The following AFF3 variants were observed in gnomAD, a reference collection of about 807,000 sequenced individuals.
The protein encoded by AFF3 is ALF transcription elongation factor 3, also known as AF4/FMR2 family member 3.
A neutral mutation model predicts 129.7 loss-of-function variants in AFF3; 32 were observed. The ratio of observed to expected loss-of-function variants is 0.25; its 90% confidence interval spans 0.19 to 0.33. AFF3 has a LOEUF of 0.33. AFF3 is among the 10% of genes least tolerant of loss of function. The pLI is 1.00. For missense variants in AFF3, 1,373 were observed against 1,592.0 expected, an observed-to-expected ratio of 0.86 and a Z score of 2.34; for synonymous variants, 644 against 635.4, an observed-to-expected ratio of 1.01 and a Z score of -0.20.
At chr2:100,007,521 C>G (rs1682084904) in intron 5 of AFF3, 61 bp from the exon 6 acceptor site, 2 of 1,456,576 alleles carry the variant, frequency 1.4e-6, no homozygotes, top group Admixed American at 1.8e-5. Context: ...CGGAGATAAT[C>G]AACAGGTGCC....
intron 8 of AFF3, among the ~76,000 whole-genome samples, chr2:99,809,845 G>A (rs1416759970): frequency 1.3e-5 from 2 of 152,096 alleles, no homozygotes; most frequent in East Asian, 3.9e-4. Context: ...TTGGTACAGG[G>A]CCAGGTGTTA....
intron 8 of AFF3, among the ~76,000 whole-genome samples, chr2:99,775,471 T>C (rs898122803): frequency 1.3e-5 from 2 of 152,106 alleles, no homozygotes; most frequent in Non-Finnish European, 2.9e-5. Context: ...AACCAAATAC[T>C]GCATGTTCTC....
intron 13 of AFF3, among the ~76,000 whole-genome samples, chr2:99,608,370 C>T (rs974115388): frequency 6.6e-6 from 1 of 152,168 alleles, no homozygotes. Context: ...AGCACACTGC[C>T]CACTTCTCTA....
At chr2:99,719,011 A>G (rs1678636384) in intron 11 of AFF3, among the ~76,000 whole-genome samples, 1 of 150,204 alleles carries the variant, frequency 6.7e-6, no homozygotes. Flanking sequence ...TTGGCCTCCC[A>G]AAGTGCTGGG....
At chr2:99,822,406 G>A (rs1483765634) in intron 8 of AFF3, among the ~76,000 whole-genome samples, 2 of 151,960 alleles carry the variant, frequency 1.3e-5, no homozygotes, top group Non-Finnish European at 2.9e-5. Context: ...CAAATTTATT[G>A]CTGATCTCAT....
At chr2:100,024,020 CAGG>C (rs1461543676) in intron 4 of AFF3, among the ~76,000 whole-genome samples, 1 of 144,104 alleles carries the variant, frequency 6.9e-6, no homozygotes, top group African/African-American at 2.6e-5. Context: ...ATCACGAGGT[CAGG>C]AGATTGAGAC....
intron 7 of AFF3, among the ~76,000 whole-genome samples, chr2:99,914,732 G>C (rs1026731468): frequency 6.6e-6 from 1 of 151,584 alleles, no homozygotes; most frequent in African/African-American, 2.4e-5. Context: ...TGGCCAAAAT[G>C]ATGAAACCCC....
intron 7 of AFF3, among the ~76,000 whole-genome samples, chr2:99,948,248 C>T (rs74622757): frequency 0.021 from 3,168 of 152,176 alleles, 115 homozygotes; most frequent in African/African-American, 0.073. Context: ...CCTGTGTCCA[C>T]CTTTTTTCCC....
chr2:100,127,118 C>T (rs188004173), intron 2 of AFF3, among the ~76,000 whole-genome samples: 1 of 152,186 alleles, frequency 6.6e-6, no homozygotes, highest in East Asian at 1.9e-4. Flanking sequence ...TCCATCATCT[C>T]TAGGAGGTAA....
At chr2:99,836,869 A>AT (rs778162310) in intron 8 of AFF3, among the ~76,000 whole-genome samples, 36 of 152,314 alleles carry the variant, frequency 2.4e-4, no homozygotes, top group South Asian at 8.3e-4. Flanking sequence ...CATCCTGATT[A>AT]TATGTCTGAA....
At chr2:100,012,158 G>A (rs1008343153) in intron 4 of AFF3, among the ~76,000 whole-genome samples, 1 of 152,086 alleles carries the variant, frequency 6.6e-6, no homozygotes, top group Non-Finnish European at 1.5e-5. Context: ...CTTTTCAGGG[G>A]CCTGCCATCA....
intron 4 of AFF3, among the ~76,000 whole-genome samples, chr2:100,077,709 C>CTT (rs2105336593): frequency 6.6e-6 from 1 of 152,316 alleles, no homozygotes; most frequent in South Asian, 2.1e-4. Flanking sequence ...CCCAAATTCT[C>CTT]TTTCTCTACT....
intron 7 of AFF3, among the ~76,000 whole-genome samples, chr2:99,947,551 AAG>A (rs765193456): frequency 5.6e-4 from 78 of 138,834 alleles, no homozygotes; most frequent in South Asian, 1.3e-3. Context: ...GAGAGAAAGA[AAG>A]AGAGAGAAAG....
intron 4 of AFF3, among the ~76,000 whole-genome samples, chr2:100,099,584 C>T (rs1690562257): frequency 6.6e-6 from 1 of 152,004 alleles, no homozygotes; most frequent in African/African-American, 2.4e-5. Flanking sequence ...TACTCCAGGA[C>T]CCATTTCAAA....
chr2:99,555,528 G>A (rs922864315), intron 22 of AFF3, among the ~76,000 whole-genome samples: 1 of 152,326 alleles, frequency 6.6e-6, no homozygotes, highest in African/African-American at 2.4e-5. Context: ...AAGTTCTGTT[G>A]CACAAGCCAG....
At chr2:100,124,459 A>G (rs1692102789) in intron 2 of AFF3, among the ~76,000 whole-genome samples, 1 of 152,254 alleles carries the variant, frequency 6.6e-6, no homozygotes, top group African/African-American at 2.4e-5. Flanking sequence ...TTTCAGAAAG[A>G]AAGATCTCAG....
At chr2:99,662,882 A>T (rs1056394261) in intron 12 of AFF3, among the ~76,000 whole-genome samples, 9 of 152,216 alleles carry the variant, frequency 5.9e-5, no homozygotes, top group African/African-American at 1.9e-4. Context: ...AACCCTGGCC[A>T]CAAATCCCAG....
chr2:100,102,193 C>T (rs950143874), intron 4 of AFF3, among the ~76,000 whole-genome samples: 26 of 151,106 alleles, frequency 1.7e-4, no homozygotes, highest in South Asian at 2.1e-4. Context: ...TAAAAATTTA[C>T]GTAAACCATA....
chr2:99,998,586 T>C (rs1345591361), intron 7 of AFF3, among the ~76,000 whole-genome samples: 1 of 152,222 alleles, frequency 6.6e-6, no homozygotes, highest in Admixed American at 6.5e-5. Flanking sequence ...TTAATCCTTT[T>C]GTTACACACA....
Sources: gnomAD v4.1 joint callset for allele counts (sites outside exome capture counted in the v4.1 genomes callset) on GRCh38, gnomAD v4.1.1 for gene constraint, MANE v1.5 for transcripts, NCBI Gene and HGNC (gene_info 2026-07-23, HGNC 2026-07-21) for gene names.